SLC8A1: variants seen among roughly 807,000 people sequenced by gnomAD.
SLC8A1 encodes solute carrier family 8 member A1, also known as sodium/calcium exchanger 1.
Under a neutral mutation model 68.3 loss-of-function variants are expected in SLC8A1, and 18 were observed. The ratio of observed to expected loss-of-function variants is 0.26; its 90% CI spans 0.18 to 0.39. SLC8A1 has a LOEUF of 0.39. Ranked by LOEUF, SLC8A1 falls within the 10% of genes least tolerant of loss-of-function variation. The probability of loss-of-function intolerance (pLI) is 1.00; values close to 1 mark genes in which losing one functional copy is unlikely to be tolerated. For synonymous variants in SLC8A1, 475 were observed against 415.5 expected, an observed-to-expected ratio of 1.14 and a Z score of -1.74; for missense variants, 985 against 1,156.7, an observed-to-expected ratio of 0.85 and a Z score of 2.15.
chr2:40,186,156 C>A (rs2050661043), intron 2 of SLC8A1, among the ~76,000 whole-genome samples: 1 of 152,172 alleles, frequency 6.6e-6, no homozygotes, highest in Non-Finnish European at 1.5e-5. Context: ...GCTTTTCTTG[C>A]ATTGTGTTTA....
At chr2:40,317,081 C>T (rs529204201) in intron 2 of SLC8A1, among the ~76,000 whole-genome samples, 3 of 151,978 alleles carry the variant, frequency 2.0e-5, no homozygotes, top group Admixed American at 1.3e-4. Flanking sequence ...GGATTAGTTG[C>T]ATTAAAAATA....
chr2:40,510,621 T>C (rs1706659424), intron 1 of SLC8A1, among the ~76,000 whole-genome samples: 1 of 152,200 alleles, frequency 6.6e-6, no homozygotes, highest in Admixed American at 6.5e-5. Context: ...CATCTTTTCG[T>C]AGGCCTGTTC....
chr2:40,358,603 C>G (rs138151396), intron 2 of SLC8A1, among the ~76,000 whole-genome samples: 12 of 152,238 alleles, frequency 7.9e-5, no homozygotes, highest in Admixed American at 2.6e-4. Flanking sequence ...TAAATTAATG[C>G]ATGCATAACC....
chr2:40,249,203 G>C (rs923230958), intron 2 of SLC8A1, among the ~76,000 whole-genome samples: 1 of 152,064 alleles, frequency 6.6e-6, no homozygotes, highest in African/African-American at 2.4e-5. Context: ...ATCTCTCAGA[G>C]CTGAAATTAA....
intron 2 of SLC8A1, among the ~76,000 whole-genome samples, chr2:40,295,035 A>G (rs369840678): frequency 6.6e-6 from 1 of 152,194 alleles, no homozygotes; most frequent in Non-Finnish European, 1.5e-5. Context: ...GAGAAAAATG[A>G]TAACTACAGA....
intron 1 of SLC8A1, among the ~76,000 whole-genome samples, chr2:40,506,771 T>C (rs1706397432): frequency 1.3e-5 from 2 of 151,988 alleles, no homozygotes; most frequent in Admixed American, 1.3e-4. Flanking sequence ...TATTTAAATA[T>C]TAATGATAGC....
At chr2:40,439,033 TCA>T (rs1700002978) in intron 1 of SLC8A1, among the ~76,000 whole-genome samples, 1 of 152,052 alleles carries the variant, frequency 6.6e-6, no homozygotes, top group African/African-American at 2.4e-5. Context: ...GCTTTCCCTC[TCA>T]CAGACTGGGT....
chr2:40,428,646 A>G (rs779693528), exon 2 of SLC8A1: 5 of 1,613,846 alleles, frequency 3.1e-6, no homozygotes, highest in Non-Finnish European at 3.4e-6. Flanking sequence ...CATGAGTCAC[A>G]GGTTCCTCAA....
intron 1 of SLC8A1, among the ~76,000 whole-genome samples, chr2:40,471,526 A>G (rs1239883023): frequency 6.6e-6 from 1 of 152,078 alleles, no homozygotes; most frequent in African/African-American, 2.4e-5. Flanking sequence ...CCCTGATCCT[A>G]TGGAGTGAGA....
rs373968520 is a variant in SLC8A1, at chr2:40,389,038, G to A, written c.1808+39435C>T. Among the ~76,000 whole-genome samples the A allele has an allele frequency of 1.4e-3, 210 of 152,130 alleles. 5 individuals carry two copies. The South Asian group carries it at 0.041, about 30-fold the overall frequency. On this transcript the variant is annotated intron_variant, in intron 2 of 7. Coordinates refer to ENST00000406785, the Ensembl canonical transcript of SLC8A1. ...TATAAATACATACGTATATATGTGT[G>A]TATACATATTTACACAAATGTGGCT...
chr2:40,422,410 G>T lies in SLC8A1; in HGVS notation c.1808+6063C>A, dbSNP rs543792168. Among the ~76,000 whole-genome samples, 3 of 152,238 alleles carry T rather than the reference G, an allele frequency of 2.0e-5. No homozygotes were observed. The East Asian group carries it at 5.8e-4, about 29-fold the overall frequency. ...CATCTCAGCTTTGTTAGCTGACAGA[G>T]AAGCAAAATAACAGCAAATAACCCC... On this transcript the variant is annotated intron_variant, in intron 2 of 7. Transcript: ENST00000406785.
chr2:40,401,300 C>G (rs139304401), intron 2 of SLC8A1, among the ~76,000 whole-genome samples: 2 of 152,272 alleles, frequency 1.3e-5, no homozygotes, highest in East Asian at 3.9e-4. Context: ...ACAAGTTTTC[C>G]TGCCTCTATG....
chr2:40,386,832 T>A (rs952635364), intron 2 of SLC8A1, among the ~76,000 whole-genome samples: 1 of 151,068 alleles, frequency 6.6e-6, no homozygotes, highest in East Asian at 1.9e-4. Context: ...CCCCTTGACA[T>A]AAATAATGTA....
chr2:40,104,622 T>C (rs2034086393), exon 8 of SLC8A1: 1 of 152,224 alleles, frequency 6.6e-6, no homozygotes, highest in South Asian at 2.1e-4. Flanking sequence ...AGTGGACTCT[T>C]CCTGACTAAA....
intron 2 of SLC8A1, among the ~76,000 whole-genome samples, chr2:40,413,825 CAT>C (rs1299354833): frequency 3.3e-5 from 5 of 152,072 alleles, no homozygotes; most frequent in Admixed American, 6.6e-5. Context: ...ATAAATATAA[CAT>C]AAATACATAG....
At chr2:40,400,134 G>A (rs1409929661) in intron 2 of SLC8A1, among the ~76,000 whole-genome samples, 1 of 152,172 alleles carries the variant, frequency 6.6e-6, no homozygotes, top group East Asian at 1.9e-4. Context: ...GCCCTTAAAA[G>A]GGACAGGAAT....
At chr2:40,197,275 A>G (rs1410388661) in intron 2 of SLC8A1, among the ~76,000 whole-genome samples, 2 of 151,992 alleles carry the variant, frequency 1.3e-5, no homozygotes, top group Admixed American at 6.6e-5. Flanking sequence ...GCATGCATGT[A>G]ACTGCTATTT....
intron 2 of SLC8A1, among the ~76,000 whole-genome samples, chr2:40,223,969 A>G (rs926542343): frequency 3.4e-4 from 51 of 152,150 alleles, no homozygotes; most frequent in African/African-American, 1.2e-3. Flanking sequence ...GCCTCCAAAA[A>G]TTAGAGCAGA....
intron 2 of SLC8A1, among the ~76,000 whole-genome samples, chr2:40,260,015 T>C (rs765072143): frequency 1.7e-4 from 26 of 152,212 alleles, no homozygotes; most frequent in Non-Finnish European, 2.5e-4. Flanking sequence ...GTGAACTCAA[T>C]TGGCTGATTA....
Sources: gnomAD v4.1 joint callset for allele counts (sites outside exome capture counted in the v4.1 genomes callset) on GRCh38, gnomAD v4.1.1 for gene constraint, MANE v1.5 for transcripts, NCBI Gene and HGNC (gene_info 2026-07-23, HGNC 2026-07-21) for gene names.